The following SGCZ variants were observed in gnomAD, a reference collection of about 807,000 sequenced individuals.
SGCZ encodes sarcoglycan zeta.
In SGCZ, 40 loss-of-function variants were observed where a neutral mutation model predicts 41.3. That is an observed-to-expected ratio of 0.97 (90% confidence interval 0.75 to 1.26). SGCZ has a LOEUF of 1.26. Ranked by LOEUF, SGCZ falls within the 50% of genes most tolerant of loss-of-function variation. The probability of loss-of-function intolerance (pLI) is 0.00; values close to 1 mark genes in which losing one functional copy is unlikely to be tolerated. For missense variants in SGCZ, 552 were observed against 369.8 expected, an observed-to-expected ratio of 1.49 and a Z score of -4.04; for synonymous variants, 206 against 137.5, an observed-to-expected ratio of 1.50 and a Z score of -3.49.
At chr8:14,320,680 G>A (rs1801887925) in intron 3 of SGCZ, among the ~76,000 whole-genome samples, 1 of 152,022 alleles carries the variant, frequency 6.6e-6, no homozygotes, top group Non-Finnish European at 1.5e-5. Context: ...GGCATCCTGA[G>A]AACTCAAGAC....
chr8:14,584,711 A>G (rs1805004455), intron 1 of SGCZ, among the ~76,000 whole-genome samples: 1 of 152,106 alleles, frequency 6.6e-6, no homozygotes, highest in Admixed American at 6.6e-5. Context: ...CCTAGAATAT[A>G]GTAGAATTCC....
chr8:14,930,607 C>A (rs1332161500), intron 1 of SGCZ, among the ~76,000 whole-genome samples: 1 of 151,892 alleles, frequency 6.6e-6, no homozygotes, highest in South Asian at 2.1e-4. Flanking sequence ...CAATGATAGA[C>A]CGGATAAAGA....
chr8:14,799,536 A>G (rs1045603995), intron 1 of SGCZ, among the ~76,000 whole-genome samples: 7 of 151,948 alleles, frequency 4.6e-5, no homozygotes, highest in African/African-American at 1.7e-4. Flanking sequence ...GTCAGGAGAG[A>G]CTCAAGACTC....
intron 2 of SGCZ, among the ~76,000 whole-genome samples, chr8:14,378,357 A>T (rs1258396390): frequency 6.6e-6 from 1 of 152,178 alleles, no homozygotes; most frequent in Non-Finnish European, 1.5e-5. Flanking sequence ...ACCATTCAGG[A>T]CATAGGCATG....
At chr8:14,839,720 G>A (rs896722487) in intron 1 of SGCZ, among the ~76,000 whole-genome samples, 1 of 151,950 alleles carries the variant, frequency 6.6e-6, no homozygotes, top group African/African-American at 2.4e-5. Flanking sequence ...CATTTTGAAA[G>A]TTATCTTTTG....
At chr8:14,846,254 G>C (rs1202073612) in intron 1 of SGCZ, among the ~76,000 whole-genome samples, 1 of 151,996 alleles carries the variant, frequency 6.6e-6, no homozygotes, top group Non-Finnish European at 1.5e-5. Context: ...TTTGCAAATT[G>C]ACCTTGGAAT....
intron 1 of SGCZ, among the ~76,000 whole-genome samples, chr8:15,017,984 C>T (rs1227711239): frequency 1.3e-5 from 2 of 152,174 alleles, no homozygotes; most frequent in African/African-American, 4.8e-5. Flanking sequence ...CCTATCTCAG[C>T]CTCCCAAGTC....
intron 1 of SGCZ, among the ~76,000 whole-genome samples, chr8:14,719,688 T>C (rs1236838259): frequency 6.6e-6 from 1 of 151,986 alleles, no homozygotes; most frequent in Non-Finnish European, 1.5e-5. Flanking sequence ...TTTGCCCACT[T>C]TTTGATGGGG....
intron 5 of SGCZ, among the ~76,000 whole-genome samples, chr8:14,143,032 CCT>C (rs1803417880): frequency 6.6e-6 from 1 of 151,364 alleles, no homozygotes; most frequent in Admixed American, 6.6e-5. Context: ...AACATAAGCC[CCT>C]GTGTCAATAG....
At chr8:14,427,555 G>T (rs1362318305) in intron 2 of SGCZ, among the ~76,000 whole-genome samples, 1 of 152,048 alleles carries the variant, frequency 6.6e-6, no homozygotes, top group East Asian at 1.9e-4. Context: ...CAGGAGATTA[G>T]AATCTTTGTG....
chr8:14,779,393 T>A (rs1054745396), intron 1 of SGCZ, among the ~76,000 whole-genome samples: 4 of 152,156 alleles, frequency 2.6e-5, no homozygotes, highest in African/African-American at 9.7e-5. Context: ...CAGATGAGTA[T>A]GCCCTTTGAA....
At chr8:14,683,770 C>T (rs958160217) in intron 1 of SGCZ, among the ~76,000 whole-genome samples, 3 of 151,964 alleles carry the variant, frequency 2.0e-5, no homozygotes, top group Admixed American at 2.0e-4. Context: ...TGCCATCATT[C>T]TTGTACAGAA....
rs559988112 is a variant in SGCZ, at chr8:15,019,347, G to A, written c.39+218238C>T. On this transcript the variant is annotated intron_variant, in intron 1 of 7. Transcript: ENST00000382080. ...GATGGGCAACAAAGGAAGGATAAAG[G>A]GCAACCGTGGATCTGTGGCGTATGC... 6.2e-4 allele frequency among the ~76,000 whole-genome samples: 94 copies of A among 152,266 alleles called. No homozygotes were observed. In the South Asian group the frequency reaches 0.017, roughly 28 times the overall value.
intron 3 of SGCZ, among the ~76,000 whole-genome samples, chr8:14,289,702 A>T (rs551508389): frequency 3.9e-5 from 6 of 152,206 alleles, no homozygotes; most frequent in Admixed American, 1.3e-4. Context: ...TCAACTGCAC[A>T]CAATGGGGAA....
chr8:14,551,550 T>A (rs1803847220), intron 2 of SGCZ, among the ~76,000 whole-genome samples: 1 of 9,560 alleles, frequency 1.0e-4, no homozygotes, highest in African/African-American at 4.4e-4. Context: ...ATAATATATA[T>A]AATATATATT....
intron 1 of SGCZ, among the ~76,000 whole-genome samples, chr8:14,605,089 C>G (rs755945312): frequency 6.6e-6 from 1 of 152,160 alleles, no homozygotes. Flanking sequence ...TTTGGGGCTA[C>G]ATCCTGGCTC....
At chr8:14,576,175 A>AATT (rs1804706106) in intron 1 of SGCZ, among the ~76,000 whole-genome samples, 1 of 152,178 alleles carries the variant, frequency 6.6e-6, no homozygotes, top group South Asian at 2.1e-4. Flanking sequence ...GCCTTATAAA[A>AATT]TGAGAGCCAT....
At chr8:14,452,014 T>G (rs1358547852) in intron 2 of SGCZ, among the ~76,000 whole-genome samples, 1 of 152,214 alleles carries the variant, frequency 6.6e-6, no homozygotes, top group Non-Finnish European at 1.5e-5. Context: ...TATGCCTACA[T>G]AAAATCATGC....
At chr8:14,726,422 G>C (rs1168361389) in intron 1 of SGCZ, among the ~76,000 whole-genome samples, 1 of 148,648 alleles carries the variant, frequency 6.7e-6, no homozygotes, top group Non-Finnish European at 1.5e-5. Context: ...AAAAATAAAA[G>C]AGTAGAAAAA....
Sources: gnomAD v4.1 joint callset for allele counts (sites outside exome capture counted in the v4.1 genomes callset) on GRCh38, gnomAD v4.1.1 for gene constraint, MANE v1.5 for transcripts, NCBI Gene and HGNC (gene_info 2026-07-23, HGNC 2026-07-21) for gene names.